Variants in CLPTM1 observed in about 807,000 individuals in gnomAD.
CLPTM1 encodes CLPTM1 regulator of GABA type A receptor forward trafficking, also known as putative lipid scramblase CLPTM1.
CLPTM1 carries 21 observed loss-of-function variants against 77.3 expected under a neutral mutation model. That is an observed-to-expected ratio of 0.27 (90% CI 0.19 to 0.39). The LOEUF is 0.39. Among genes scored for constraint, CLPTM1 ranks in the 10% least tolerant of loss-of-function variants. The pLI, the probability that CLPTM1 is intolerant of heterozygous loss-of-function variation, is 1.00. For missense variants in CLPTM1, 642 were observed against 921.2 expected, an observed-to-expected ratio of 0.70 and a Z score of 3.92; for synonymous variants, 373 against 381.0, an observed-to-expected ratio of 0.98 and a Z score of 0.24.
At chr19:44,958,053 G>A (rs1010959599) in intron 1 of CLPTM1, among the ~76,000 whole-genome samples, 1 of 152,172 alleles carries the variant, frequency 6.6e-6, no homozygotes, top group African/African-American at 2.4e-5. Context: ...AGCTGGGATG[G>A]GGATAGGAAG....
Position 44,966,399 on chromosome 19 carries a change from AGAC to A in CLPTM1, c.185+4325_185+4327del, listed in dbSNP as rs1156639917. On this transcript the variant is annotated intron_variant, in intron 2 of 13. Coordinates refer to ENST00000337392, the MANE Select transcript of CLPTM1 (RefSeq NM_001294.4). ...GCACTCCAGCCTGGGTGACAGAGCG[AGAC>A]ACAGTCTCAAAAATAAAAAAGTGTA... 4.3e-5 allele frequency among the ~76,000 whole-genome samples: 6 copies of A among 140,028 alleles called. No individual in the cohort carries two copies. In the South Asian group the frequency reaches 1.5e-3, roughly 34 times the overall value. 91.9% of individuals were successfully genotyped at this position (140,028 alleles called of 152,430 possible). A position where few individuals can be genotyped will look rare whatever the true frequency, so the allele number is the denominator to read the frequency against.
rs1322858050 is a variant in CLPTM1 at position 44,993,268 on chromosome 19, T to TC, written c.*376dup. 8.5e-6 allele frequency: 4 copies of TC among 470,144 alleles called. No homozygotes were observed. The highest frequency in any genetic ancestry group is 2.4e-5 in the Admixed American group (1 of 40,874). The allele number at this position is 470,144 out of a possible 1,614,324, so 29.1% of individuals were successfully genotyped here. On this transcript the variant is annotated 3_prime_UTR_variant, in exon 14 of 14. Transcript: ENST00000337392. Reference sequence around the variant, plus strand: ...CTTGTCCCTCGTCCCCCTACCACACTCCCCCTCCTAGACCGCCGCCCTTTA... The same window carrying TC: ...CTTGTCCCTCGTCCCCCTACCACACTCCCCCCTCCTAGACCGCCGCCCTTTA...
At chr19:44,971,867 C>CTTTTTTTT (rs10693027) in intron 2 of CLPTM1, among the ~76,000 whole-genome samples, 36 of 83,266 alleles carry the variant, frequency 4.3e-4, no homozygotes, top group Admixed American at 5.3e-4. Context: ...CCCAATTATA[C>CTTTTTTTT]TTTTTTTTTT....
At chr19:44,989,789 C>G (rs1194638801) in intron 9 of CLPTM1, among the ~76,000 whole-genome samples, 1 of 152,134 alleles carries the variant, frequency 6.6e-6, no homozygotes, top group Non-Finnish European at 1.5e-5. Context: ...GAGACCAGGG[C>G]TCAGAGAGGA....
intron 4 of CLPTM1, among the ~76,000 whole-genome samples, chr19:44,975,275 C>T (rs1044936459): frequency 6.6e-6 from 1 of 152,238 alleles, no homozygotes; most frequent in African/African-American, 2.4e-5. Flanking sequence ...CTCATTGGGA[C>T]TCCTGTATGG....
upstream of CLPTM1, chr19:44,954,947 G>C: frequency 3.9e-6 from 6 of 1,527,344 alleles, no homozygotes; most frequent in African/African-American, 2.7e-5. Context: ...GGCCAGAAAG[G>C]TTCCTCTGAC....
At chr19:44,967,688 G>A (rs929477588) in intron 2 of CLPTM1, among the ~76,000 whole-genome samples, 4 of 151,080 alleles carry the variant, frequency 2.6e-5, no homozygotes, top group Admixed American at 2.0e-4. Flanking sequence ...CATGATCCCT[G>A]ATGTAGTCAC....
intron 2 of CLPTM1, among the ~76,000 whole-genome samples, chr19:44,964,401 C>T (rs954840871): frequency 7.0e-6 from 1 of 143,838 alleles, no homozygotes. Context: ...GTCTCTGCCT[C>T]CTGGGTTCAA....
In CLPTM1 at chr19:44,992,215, T is replaced by C. The variant is rs1971086462; in HGVS notation, c.1556-18T>C. 1 of 1,613,592 alleles carries C rather than the reference T, an allele frequency of 6.2e-7. No homozygotes were observed. Among genetic ancestry groups the C allele is most frequent in the Middle Eastern group, 1.6e-4 (1 of 6,076 alleles). ...GTGGGAGAGGCCATCCCTCTGCTCA[T>C]GGGTGCTCTCACTGCAGGCTTCATC... On this transcript the variant is annotated intron_variant, in intron 12 of 13. Transcript: ENST00000337392. The surrounding 1 kb of genome is among the most constrained non-coding windows in gnomAD (Gnocchi z 7.7).
At chr19:44,958,073 G>A (rs1421298744) in intron 1 of CLPTM1, among the ~76,000 whole-genome samples, 2 of 152,124 alleles carry the variant, frequency 1.3e-5, no homozygotes, top group Admixed American at 1.3e-4. Context: ...GTGAGGGGTG[G>A]GTAGAAGAGT....
intron 2 of CLPTM1, among the ~76,000 whole-genome samples, chr19:44,972,774 T>G (rs1166710184): frequency 1.3e-5 from 2 of 151,876 alleles, no homozygotes; most frequent in African/African-American, 2.4e-5. Flanking sequence ...GAGTCAAGAG[T>G]CAGCCCCTGC....
intron 8 of CLPTM1, 92 bp from the exon 9 acceptor site, chr19:44,987,988 C>T (rs1364302740): frequency 2.1e-6 from 2 of 940,896 alleles, no homozygotes; most frequent in Admixed American, 1.7e-5. Flanking sequence ...CAGCCTCCCT[C>T]TACAGGCGGC....
In CLPTM1 at chr19:44,959,429, A is replaced by G. The variant is rs183796653; in HGVS notation, c.73-2534A>G. Among the ~76,000 whole-genome samples the G allele has an allele frequency of 6.6e-5, 10 of 152,186 alleles. No homozygotes were observed. In the East Asian group the frequency reaches 1.9e-3, roughly 29 times the overall value. On this transcript the variant is annotated intron_variant, in intron 1 of 13. Transcript: ENST00000337392. ...GAGTGCAGTGGTGTGATCCTGGTTC[A>G]CTGTAGCCTCATTCTCCAAGGCTCA...
At chr19:44,954,839 T>C, upstream of CLPTM1, 1 of 1,197,558 alleles carries the variant, frequency 8.4e-7, no homozygotes, top group Non-Finnish European at 1.1e-6. Context: ...AGAAAGGATA[T>C]GAGCTCAGGA....
At chr19:44,969,036 C>G (rs917646185) in intron 2 of CLPTM1, among the ~76,000 whole-genome samples, 2 of 152,168 alleles carry the variant, frequency 1.3e-5, no homozygotes, top group African/African-American at 4.8e-5. Flanking sequence ...CCCACCCACA[C>G]TAGAATTTAC....
intron 7 of CLPTM1, chr19:44,986,974 T>C (rs1970988509): frequency 6.3e-6 from 4 of 639,864 alleles, no homozygotes; most frequent in Middle Eastern, 4.3e-4. Flanking sequence ...GCTGCCCCCT[T>C]CAGTGGGGAC....
In CLPTM1 at chr19:44,961,099, C is replaced by T. The variant is rs117366225; in HGVS notation, c.73-864C>T. On this transcript the variant is annotated intron_variant, in intron 1 of 13. Transcript: ENST00000337392. ...CTTCCCTTCTGTCATTCTGCTTCTGCGGTCCTTCCTGAGTGACCAGACAAG... is the reference window on the plus strand; with the variant it reads ...CTTCCCTTCTGTCATTCTGCTTCTGTGGTCCTTCCTGAGTGACCAGACAAG... Among the ~76,000 whole-genome samples the T allele has an allele frequency of 2.1e-4, 32 of 152,312 alleles. 1 individual carries two copies. In the East Asian group the frequency reaches 5.4e-3, roughly 26 times the overall value.
rs758403161 is a variant in CLPTM1 at position 44,988,118 on chromosome 19, C to T, written c.1077C>T (p.Leu359=). 1 of 1,614,170 alleles carries T rather than the reference C, an allele frequency of 6.2e-7. No individual in the cohort carries two copies. The highest frequency in any genetic ancestry group is 8.5e-7 in the Non-Finnish European group (1 of 1,180,006). The change falls in exon 9 of 14, where the codon CTC becomes CTT. Residue 359 remains leucine, a synonymous_variant. Transcript: ENST00000337392. The part of the protein sequence containing the change: ...LLETNPYLLA[L]TIIVSIVHSV... ...AGACCAACCCCTACCTGCTGGCGCT[C>T]ACCATCATCGTGTCTATCGTTCACA...
chr19:44,975,794 C>A (rs1364446562), intron 4 of CLPTM1, among the ~76,000 whole-genome samples: 1 of 152,134 alleles, frequency 6.6e-6, no homozygotes, highest in Non-Finnish European at 1.5e-5. Context: ...GAACTCCTGA[C>A]CTCAAGTGAT....
Sources: allele counts gnomAD v4.1 joint callset (sites outside exome capture counted in the v4.1 genomes callset), GRCh38; gene constraint gnomAD v4.1.1; non-coding constraint Gnocchi (gnomAD v3.1); transcripts MANE v1.5; gene names NCBI Gene and HGNC (gene_info 2026-07-23, HGNC 2026-07-21).